The following ARID4B variants were observed in gnomAD, a reference collection of about 807,000 sequenced individuals.
ARID4B encodes the protein AT-rich interaction domain 4B, also known as AT-rich interactive domain-containing protein 4B.
ARID4B carries 26 observed loss-of-function variants against 147.5 expected under a neutral mutation model. The observed-to-expected ratio is 0.18, with a 90% CI of 0.13 to 0.24. The LOEUF is 0.24. Among genes scored for constraint, ARID4B ranks in the 10% least tolerant of loss-of-function variants. ARID4B has a pLI of 1.00. For missense variants in ARID4B, 1,179 were observed against 1,511.5 expected, an observed-to-expected ratio of 0.78 and a Z score of 3.65; for synonymous variants, 512 against 507.9, an observed-to-expected ratio of 1.01 and a Z score of -0.11.
At chr1:235,267,062 G>C (rs1670651587) in intron 2 of ARID4B, among the ~76,000 whole-genome samples, 1 of 151,810 alleles carries the variant, frequency 6.6e-6, no homozygotes, top group Admixed American at 6.6e-5. Flanking sequence ...TAGATTGTTT[G>C]AGCTCAGGAG....
At chr1:235,220,002 A>C (rs1259377358) in intron 15 of ARID4B, 34 bp from the exon 16 acceptor site, 9 of 1,419,592 alleles carry the variant, frequency 6.3e-6, no homozygotes, top group Admixed American at 2.9e-5. Context: ...AACCAACAAA[A>C]GTAAAAATTT....
chr1:235,272,006 C>T (rs1001943501), intron 2 of ARID4B, among the ~76,000 whole-genome samples: 11 of 151,616 alleles, frequency 7.3e-5, no homozygotes, highest in African/African-American at 2.4e-4. Context: ...AGTTTTTAAT[C>T]GTGTTTCATA....
chr1:235,293,146 T>A (rs1266704017), intron 2 of ARID4B, among the ~76,000 whole-genome samples: 1 of 152,208 alleles, frequency 6.6e-6, no homozygotes, highest in Admixed American at 6.5e-5. Context: ...AGCAACACTA[T>A]GACATAGGTG....
intron 6 of ARID4B, 42 bp from the exon 7 acceptor site, chr1:235,246,553 G>C (rs369304028): frequency 9.0e-5 from 123 of 1,369,288 alleles, no homozygotes; most frequent in African/African-American, 3.4e-4. Flanking sequence ...TTAACACTTT[G>C]CAAGTGCCTT....
chr1:235,292,449 A>G (rs1400376695), intron 2 of ARID4B, among the ~76,000 whole-genome samples: 1 of 152,040 alleles, frequency 6.6e-6, no homozygotes, highest in African/African-American at 2.4e-5. Context: ...CCCCATCTCT[A>G]CTAAAAATAC....
chr1:235,271,648 T>TA (rs1670994139), intron 2 of ARID4B, among the ~76,000 whole-genome samples: 4 of 149,134 alleles, frequency 2.7e-5, no homozygotes, highest in Admixed American at 6.7e-5. Context: ...TAAAATAAAA[T>TA]AAATAATAAT....
chr1:235,288,621 T>C (rs1343826152), intron 2 of ARID4B, among the ~76,000 whole-genome samples: 1 of 152,254 alleles, frequency 6.6e-6, no homozygotes, highest in Non-Finnish European at 1.5e-5. Context: ...GCTTGTCCTC[T>C]ACTGGTGATA....
rs1572090473 is a variant in ARID4B, at chr1:235,255,891, G to A, written c.184-141C>T. On this transcript the variant is annotated intron_variant, in intron 4 of 23. Coordinates refer to ENST00000264183, the MANE Select transcript of ARID4B (RefSeq NM_016374.6). Reference sequence around the variant, plus strand: ...ACTTCATTTAAAAGTACCAGCAGTTGGCGTGAGCACAGTGGCTCACGCCTG... The same window carrying A: ...ACTTCATTTAAAAGTACCAGCAGTTAGCGTGAGCACAGTGGCTCACGCCTG... 1.0e-5 allele frequency: 6 copies of A among 582,804 alleles called. No homozygotes were observed. In the East Asian group the frequency reaches 1.9e-4, roughly 19 times the overall value. 36.1% of individuals were successfully genotyped at this position (582,804 alleles called of 1,614,324 possible).
chr1:235,198,464 A>T (rs1665650906), intron 17 of ARID4B, among the ~76,000 whole-genome samples: 1 of 152,240 alleles, frequency 6.6e-6, no homozygotes, highest in Admixed American at 6.5e-5. Flanking sequence ...TTACTCAGAT[A>T]TAATGTATGT....
chr1:235,172,570 T>A, intron 23 of ARID4B, 48 bp downstream of exon 23: 1 of 1,334,696 alleles, frequency 7.5e-7, no homozygotes, highest in Non-Finnish European at 9.9e-7. Flanking sequence ...AGAGTGAAAC[T>A]CTGTCTCAAA....
At chr1:235,280,734 A>G (rs10802589) in intron 2 of ARID4B, among the ~76,000 whole-genome samples, 70,624 of 151,708 alleles carry the variant, frequency 0.47, 16,717 homozygotes, top group South Asian at 0.6. Context: ...TATGGCAAGG[A>G]AAACCCTGTG....
At chr1:235,187,099 T>C (rs12042832) in intron 19 of ARID4B, 1 of 312,510 alleles carries the variant, frequency 3.2e-6, no homozygotes, top group South Asian at 2.1e-5. Context: ...TTTTTTTTTG[T>C]AGACGGAGTT....
intron 17 of ARID4B, among the ~76,000 whole-genome samples, chr1:235,199,660 G>C (rs1246093364): frequency 6.6e-6 from 1 of 152,144 alleles, no homozygotes; most frequent in Non-Finnish European, 1.5e-5. Context: ...TGAAGAGTGA[G>C]AGACCAGTGG....
intron 2 of ARID4B, among the ~76,000 whole-genome samples, chr1:235,308,438 T>C (rs1673736333): frequency 6.9e-6 from 1 of 143,914 alleles, no homozygotes; most frequent in Non-Finnish European, 1.5e-5. Context: ...AAACAGGGGC[T>C]CCCCCTCCCC....
intron 19 of ARID4B, among the ~76,000 whole-genome samples, chr1:235,190,657 G>A (rs979056021): frequency 6.6e-6 from 1 of 152,084 alleles, no homozygotes; most frequent in African/African-American, 2.4e-5. Flanking sequence ...AAAGATATTT[G>A]CAAAAATAAA....
At chr1:235,209,563 G>GT (rs374681138) in intron 17 of ARID4B, among the ~76,000 whole-genome samples, 4,494 of 136,954 alleles carry the variant, frequency 0.033, 271 homozygotes, top group African/African-American at 0.11. Context: ...TTTGTTTTTT[G>GT]TTTTGTTTTT....
At chr1:235,245,316 A>C (rs1364917722) in intron 7 of ARID4B, among the ~76,000 whole-genome samples, 3 of 152,214 alleles carry the variant, frequency 2.0e-5, no homozygotes. Context: ...CAGTTGGGGA[A>C]CGACAGAAGA....
chr1:235,210,234 T>C lies in ARID4B; in HGVS notation c.1841+3535A>G, dbSNP rs555556639. Among the ~76,000 whole-genome samples, 148 of 151,594 alleles carry C rather than the reference T, an allele frequency of 9.8e-4. 1 individual carries two copies. The highest frequency in any genetic ancestry group is 1.2e-3 in the Non-Finnish European group (83 of 67,822). On this transcript the variant is annotated intron_variant, in intron 17 of 23. Coordinates refer to ENST00000264183, the MANE Select transcript of ARID4B (RefSeq NM_016374.6). Reference sequence around the variant, plus strand: ...AACAAGGTCCTGTCTGTCTCTCTCTTTTTTTTTAATCTGAAATACTTGTTT... The same window carrying C: ...AACAAGGTCCTGTCTGTCTCTCTCTCTTTTTTTAATCTGAAATACTTGTTT...
intron 19 of ARID4B, among the ~76,000 whole-genome samples, chr1:235,193,214 G>A (rs1019794599): frequency 6.6e-6 from 1 of 152,128 alleles, no homozygotes; most frequent in African/African-American, 2.4e-5. Context: ...CTGGTCAACA[G>A]GGCAAAACCC....
Sources: allele counts gnomAD v4.1 joint callset (sites outside exome capture counted in the v4.1 genomes callset), GRCh38; gene constraint gnomAD v4.1.1; transcripts MANE v1.5; gene names NCBI Gene and HGNC (gene_info 2026-07-23, HGNC 2026-07-21).